B4GALNT3: variants seen among roughly 807,000 people sequenced by gnomAD.
The protein encoded by B4GALNT3 is beta-1,4-N-acetyl-galactosaminyltransferase 3.
A neutral mutation model predicts 120.2 loss-of-function variants in B4GALNT3; 86 were observed. The ratio of observed to expected loss-of-function variants is 0.72; its 90% CI spans 0.60 to 0.86. The LOEUF is 0.86. B4GALNT3 is among the 40% of genes least tolerant of loss of function. B4GALNT3 has a pLI of 0.00. For missense variants in B4GALNT3, 1,167 were observed against 1,298.9 expected, an observed-to-expected ratio of 0.90 and a Z score of 1.56; for synonymous variants, 518 against 510.4, an observed-to-expected ratio of 1.01 and a Z score of -0.20.
intron 1 of B4GALNT3, among the ~76,000 whole-genome samples, chr12:526,516 G>A (rs1946760749): frequency 6.6e-6 from 1 of 152,228 alleles, no homozygotes; most frequent in Non-Finnish European, 1.5e-5. Context: ...GCTCCGGCCA[G>A]TCTTAGAGGT....
intron 1 of B4GALNT3, among the ~76,000 whole-genome samples, chr12:477,674 A>G (rs1008077929): frequency 6.6e-6 from 1 of 152,258 alleles, no homozygotes; most frequent in Non-Finnish European, 1.5e-5. Context: ...AATAATGAAT[A>G]GATGAAGTTG....
intron 6 of B4GALNT3, among the ~76,000 whole-genome samples, 187 bp downstream of exon 6, chr12:545,656 A>AGTGGGGAGGAGCGAGGT (rs879375191): frequency 2.1e-5 from 3 of 141,626 alleles, no homozygotes; most frequent in Non-Finnish European, 3.1e-5. Flanking sequence ...AGGAGTGAGG[A>AGTGGGGAGGAGCGAGGT]GTGGGGAGGA....
intron 1 of B4GALNT3, among the ~76,000 whole-genome samples, chr12:467,375 A>G (rs4980918): frequency 0.088 from 13,407 of 152,160 alleles, 1,082 homozygotes; most frequent in East Asian, 0.31. Context: ...CCCGGCCAAC[A>G]TGATGAAAGC....
intron 1 of B4GALNT3, among the ~76,000 whole-genome samples, chr12:532,948 C>T (rs370349145): frequency 1.4e-4 from 21 of 152,332 alleles, no homozygotes; most frequent in African/African-American, 4.8e-4. Context: ...GCACCTGAGA[C>T]GCACTGTAAC....
intron 5 of B4GALNT3, 157 bp downstream of exon 5, chr12:545,129 A>G: frequency 6.9e-7 from 1 of 1,450,358 alleles, no homozygotes; most frequent in Non-Finnish European, 9.1e-7. Flanking sequence ...GGTCTTGTCC[A>G]ACTCCCACAG....
At chr12:554,775 GCA>G (rs1947131505) in intron 14 of B4GALNT3, among the ~76,000 whole-genome samples, 1 of 90,504 alleles carries the variant, frequency 1.1e-5, no homozygotes, top group East Asian at 3.9e-4. Flanking sequence ...GGGCGACAGA[GCA>G]AGACTCCGTC....
chr12:486,219 T>G (rs967818589), intron 1 of B4GALNT3, among the ~76,000 whole-genome samples: 3 of 148,388 alleles, frequency 2.0e-5, no homozygotes, highest in Non-Finnish European at 4.5e-5. Context: ...TTTTTTTTTT[T>G]TTTTTTTTGA....
At chr12:543,095 C>A in intron 3 of B4GALNT3, 1 of 1,287,436 alleles carries the variant, frequency 7.8e-7, no homozygotes, top group Non-Finnish European at 1.0e-6. Context: ...GGGGAATGAA[C>A]ACCAGCCCCC....
At chr12:494,854 A>G (rs1946374444) in intron 1 of B4GALNT3, among the ~76,000 whole-genome samples, 1 of 152,132 alleles carries the variant, frequency 6.6e-6, no homozygotes, top group Non-Finnish European at 1.5e-5. Flanking sequence ...TTCTTTGATA[A>G]CAGAATCATT....
intron 14 of B4GALNT3, chr12:555,304 C>T: frequency 2.2e-6 from 1 of 455,318 alleles, no homozygotes; most frequent in Non-Finnish European, 4.4e-6. Context: ...GTGGATTTTC[C>T]TATTCCGGAC....
chr12:468,577 G>C (rs147402024), intron 1 of B4GALNT3, among the ~76,000 whole-genome samples: 5 of 152,036 alleles, frequency 3.3e-5, no homozygotes, highest in African/African-American at 1.2e-4. Context: ...GGCCAGGAAG[G>C]CCAGAAACCT....
chr12:460,032 T>C lies in B4GALNT3; in HGVS notation c.-345T>C, dbSNP rs548496699. ...CAGGCGGGCGGGCGCCGGGGAAGCC[T>C]CCTTCTGGGCAGCGAGTGAGGGCGG... On this transcript the variant is annotated 5_prime_UTR_variant, in exon 1 of 20. Transcript: ENST00000266383. This position sits in a 1 kb window ranked among gnomAD's most constrained non-coding sequence, Gnocchi z 8.0. 6.8e-6 allele frequency among the ~76,000 whole-genome samples: 1 copy of C among 147,750 alleles called. No homozygotes were observed. Among genetic ancestry groups the C allele is most frequent in the Non-Finnish European group, 1.5e-5 (1 of 66,626 alleles).
At chr12:474,962 A>AAAAAAG (rs1946169781) in intron 1 of B4GALNT3, among the ~76,000 whole-genome samples, 1 of 149,584 alleles carries the variant, frequency 6.7e-6, no homozygotes. Flanking sequence ...AAAAAAAAAA[A>AAAAAAG]AAAAAGCCAA....
intron 1 of B4GALNT3, among the ~76,000 whole-genome samples, chr12:503,018 C>T (rs1314290218): frequency 6.6e-6 from 1 of 152,118 alleles, no homozygotes; most frequent in African/African-American, 2.4e-5. Flanking sequence ...CTTGGCTTCC[C>T]GAAGTGCTGG....
At chr12:475,434 G>A (rs576702325) in intron 1 of B4GALNT3, among the ~76,000 whole-genome samples, 3 of 152,188 alleles carry the variant, frequency 2.0e-5, no homozygotes, top group South Asian at 2.1e-4. Flanking sequence ...ATGCAGAAGA[G>A]TGTTTAAATC....
rs546696372 is a variant in B4GALNT3, at chr12:512,635, C to T, written c.170-22531C>T. ...TCCACCTTCCGCCTTCCACCTTCCG[C>T]CTTCCACCTTCCACCTTCCACCTTC... On this transcript the variant is annotated intron_variant, in intron 1 of 19. Transcript: ENST00000266383. Among the ~76,000 whole-genome samples the T allele has an allele frequency of 8.6e-3, 1,084 of 126,198 alleles. 10 individuals carry two copies. The highest frequency in any genetic ancestry group is 0.015 in the Non-Finnish European group (859 of 57,680). 82.8% of individuals were successfully genotyped at this position (126,198 alleles called of 152,430 possible).
chr12:524,510 C>G (rs946453298), intron 1 of B4GALNT3, among the ~76,000 whole-genome samples: 8 of 152,194 alleles, frequency 5.3e-5, no homozygotes, highest in Non-Finnish European at 1.0e-4. Context: ...GGTCCCAAAC[C>G]CAGTCCCTGT....
intron 1 of B4GALNT3, among the ~76,000 whole-genome samples, chr12:470,572 G>A (rs1415463114): frequency 2.6e-5 from 4 of 152,218 alleles, no homozygotes; most frequent in Admixed American, 2.6e-4. Flanking sequence ...TTTCAGCTGA[G>A]TAGAGGGCCT....
At chr12:551,088 G>A in intron 11 of B4GALNT3, 57 bp downstream of exon 11, 2 of 1,416,660 alleles carry the variant, frequency 1.4e-6, no homozygotes, top group Non-Finnish European at 2.0e-6. Flanking sequence ...TGCTGCCTGT[G>A]ACTGGGATGG....
Sources: allele counts gnomAD v4.1 joint callset (sites outside exome capture counted in the v4.1 genomes callset), GRCh38; gene constraint gnomAD v4.1.1; non-coding constraint Gnocchi (gnomAD v3.1); transcripts MANE v1.5; gene names NCBI Gene and HGNC (gene_info 2026-07-23, HGNC 2026-07-21).